SUGCT: variants seen among roughly 807,000 people sequenced by gnomAD.
SUGCT encodes the protein succinyl-CoA:glutarate-CoA transferase.
Under a neutral mutation model 55.0 loss-of-function variants are expected in SUGCT, and 41 were observed. That is an observed-to-expected ratio of 0.74 (90% CI 0.58 to 0.97). The LOEUF (loss-of-function observed/expected upper bound fraction) is 0.97. Ranked by LOEUF, SUGCT falls within the 50% of genes least tolerant of loss-of-function variation. The pLI is 0.00. For synonymous variants in SUGCT, 187 were observed against 200.4 expected (o/e 0.93, Z 0.56); for missense variants, 568 against 547.8 (o/e 1.04, Z -0.37).
At chr7:40,315,357 A>G (rs1795368801) in intron 8 of SUGCT, among the ~76,000 whole-genome samples, 1 of 152,230 alleles carries the variant, frequency 6.6e-6, no homozygotes, top group South Asian at 2.1e-4. Flanking sequence ...TGAAATGGTG[A>G]TTAGCACTAG....
chr7:40,297,416 A>C (rs1053790878), intron 8 of SUGCT, among the ~76,000 whole-genome samples: 2 of 151,978 alleles, frequency 1.3e-5, no homozygotes, highest in African/African-American at 2.4e-5. Flanking sequence ...CGTATTTCTT[A>C]TTGTAAACAT....
the SUGCT span, among the ~76,000 whole-genome samples, chr7:41,036,269 A>G: frequency 6.6e-6 from 1 of 152,220 alleles, no homozygotes; most frequent in African/African-American, 2.4e-5. Context: ...AAAGTGTTTC[A>G]ATTAAGGCAC....
chr7:40,651,164 T>C (rs1800759147), intron 12 of SUGCT, among the ~76,000 whole-genome samples: 1 of 152,178 alleles, frequency 6.6e-6, no homozygotes, highest in South Asian at 2.1e-4. Context: ...CTATTGTGAA[T>C]AGTGCTGCAA....
chr7:40,253,077 T>G (rs1790551765), intron 7 of SUGCT, among the ~76,000 whole-genome samples: 1 of 152,242 alleles, frequency 6.6e-6, no homozygotes, highest in Non-Finnish European at 1.5e-5. Context: ...TTACATAGCA[T>G]TTGAATGCAG....
At chr7:40,380,533 C>T (rs905976576) in intron 9 of SUGCT, among the ~76,000 whole-genome samples, 1 of 152,078 alleles carries the variant, frequency 6.6e-6, no homozygotes, top group African/African-American at 2.4e-5. Flanking sequence ...GTATTTATGG[C>T]TTATTCTGCT....
chr7:40,179,846 CTAA>C (rs1785099611), intron 1 of SUGCT, among the ~76,000 whole-genome samples: 1 of 152,192 alleles, frequency 6.6e-6, no homozygotes, highest in African/African-American at 2.4e-5. Context: ...ATCAACTTTC[CTAA>C]TATCCTGTTG....
intron 9 of SUGCT, among the ~76,000 whole-genome samples, chr7:40,350,797 C>A (rs962577460): frequency 1.3e-5 from 2 of 151,932 alleles, no homozygotes; most frequent in African/African-American, 2.4e-5. Flanking sequence ...CCCCGCAACC[C>A]CCCCGACAGG....
the SUGCT span, among the ~76,000 whole-genome samples, chr7:40,983,280 T>A: frequency 6.6e-6 from 1 of 152,206 alleles, no homozygotes; most frequent in East Asian, 1.9e-4. Context: ...TTACTGCTAC[T>A]GAACACATCA....
chr7:40,362,491 C>T (rs960202113), intron 9 of SUGCT, among the ~76,000 whole-genome samples: 1 of 152,208 alleles, frequency 6.6e-6, no homozygotes, highest in African/African-American at 2.4e-5. Context: ...GTGTCTCCAG[C>T]ACCATCAACC....
chr7:40,760,728 T>C (rs1788486854), intron 13 of SUGCT, among the ~76,000 whole-genome samples: 1 of 152,098 alleles, frequency 6.6e-6, no homozygotes, highest in South Asian at 2.1e-4. Flanking sequence ...ATGGAGAGCA[T>C]GTAGGCTTAG....
chr7:40,277,677 G>GTTATTA (rs55772430), intron 8 of SUGCT, among the ~76,000 whole-genome samples: 41,862 of 144,658 alleles, frequency 0.29, 6,588 homozygotes, highest in East Asian at 0.41. Flanking sequence ...TGTTCTTTTT[G>GTTATTA]TTATTATTAT....
At chr7:40,173,872 T>G (rs1171324277) in intron 1 of SUGCT, among the ~76,000 whole-genome samples, 4 of 149,144 alleles carry the variant, frequency 2.7e-5, no homozygotes, top group Admixed American at 1.3e-4. Context: ...GTATTATATA[T>G]AGTTATTTGT....
At chr7:40,872,321 T>G in the SUGCT span, among the ~76,000 whole-genome samples, 1 of 152,144 alleles carries the variant, frequency 6.6e-6, no homozygotes, top group African/African-American at 2.4e-5. Context: ...ACCATAGTGG[T>G]TTTTTGATGA....
chr7:40,897,013 T>C, the SUGCT span, among the ~76,000 whole-genome samples: 1 of 152,162 alleles, frequency 6.6e-6, no homozygotes, highest in Admixed American at 6.5e-5. Context: ...AACAGACATA[T>C]AAACCAGTGG....
the SUGCT span, among the ~76,000 whole-genome samples, chr7:41,006,816 C>T: frequency 1.6e-3 from 240 of 152,198 alleles, 1 homozygote; most frequent in African/African-American, 5.0e-3. Flanking sequence ...TTTTTTCTTC[C>T]GCATTTTAAG....
intron 9 of SUGCT, among the ~76,000 whole-genome samples, chr7:40,350,855 T>C (rs553942760): frequency 6.6e-6 from 1 of 152,104 alleles, no homozygotes; most frequent in East Asian, 1.9e-4. Context: ...TTTTCATTGT[T>C]CAACTCCCCC....
At chr7:40,880,143 G>C in the SUGCT span, among the ~76,000 whole-genome samples, 7 of 152,286 alleles carry the variant, frequency 4.6e-5, no homozygotes, top group African/African-American at 1.7e-4. Flanking sequence ...TCTGTAGACT[G>C]TCCTACATTC....
chr7:40,334,492 C>A lies in SUGCT; in HGVS notation c.816+17637C>A, dbSNP rs139132243. 5.2e-3 allele frequency among the ~76,000 whole-genome samples: 790 copies of A among 152,332 alleles called. 8 individuals carry two copies. The highest frequency in any genetic ancestry group is 0.018 in the African/African-American group (732 of 41,576). ...CATTGTGGTTTTGATTTGCATTTCT[C>A]TGATGGCCAGTGATGCTGAGCATTT... On this transcript the variant is annotated intron_variant, in intron 9 of 13. Transcript: ENST00000335693.
chr7:40,848,256 G>A (rs1192545110), intron 13 of SUGCT, among the ~76,000 whole-genome samples: 3 of 141,628 alleles, frequency 2.1e-5, no homozygotes, highest in African/African-American at 7.4e-5. Context: ...CATGTAAAAT[G>A]TAGATTTACC....
Sources: gnomAD v4.1 joint callset for allele counts (sites outside exome capture counted in the v4.1 genomes callset) on GRCh38, gnomAD v4.1.1 for gene constraint, MANE v1.5 for transcripts, NCBI Gene and HGNC (gene_info 2026-07-23, HGNC 2026-07-21) for gene names.